The following PTPN22 variants were observed in gnomAD, a reference collection of about 807,000 sequenced individuals.
PTPN22 encodes the protein tyrosine-protein phosphatase non-receptor type 22.
Under a neutral mutation model 103.3 loss-of-function variants are expected in PTPN22, and 85 were observed. That is an observed-to-expected ratio of 0.82 (90% CI 0.69 to 0.99). The LOEUF is 0.99. Among genes scored for constraint, PTPN22 ranks in the 50% least tolerant of loss-of-function variants. The probability of loss-of-function intolerance (pLI) is 0.00; values close to 1 mark genes in which losing one functional copy is unlikely to be tolerated. For missense variants in PTPN22, 865 were observed against 936.9 expected (o/e 0.92, Z 1.00); for synonymous variants, 323 against 310.2 (o/e 1.04, Z -0.43).
chr1:113,859,184 GTGAATGAATGAA>G (rs534498840), intron 2 of PTPN22, 106 bp from the exon 3 acceptor site: 29 of 1,555,736 alleles, frequency 1.9e-5, no homozygotes, highest in Non-Finnish European at 2.5e-5. Flanking sequence ...GAACAAGTGA[GTGAATGAATGAA>G]TGAATGAATG....
exon 13 of PTPN22, chr1:113,837,683 A>T (rs1461770009): frequency 6.2e-7 from 1 of 1,602,106 alleles, no homozygotes; most frequent in Non-Finnish European, 8.6e-7. Flanking sequence ...GAGAAGAGGG[A>T]TGTAGAGGAT....
intron 20 of PTPN22, among the ~76,000 whole-genome samples, chr1:113,818,831 CCT>C (rs1661364266): frequency 6.6e-6 from 1 of 152,154 alleles, no homozygotes; most frequent in South Asian, 2.1e-4. Context: ...TCCACTTTTT[CCT>C]CTTTTCTTGC....
intron 18 of PTPN22, among the ~76,000 whole-genome samples, chr1:113,826,051 G>A (rs1007971237): frequency 1.3e-5 from 2 of 151,786 alleles, no homozygotes; most frequent in Non-Finnish European, 2.9e-5. Context: ...GAATATTGAC[G>A]GGGAGCAGTG....
chr1:113,870,125 T>C (rs568585161), intron 1 of PTPN22, among the ~76,000 whole-genome samples: 1 of 152,216 alleles, frequency 6.6e-6, no homozygotes, highest in Admixed American at 6.5e-5. Context: ...ACTTGGTACA[T>C]ACTAAGTGCT....
intron 11 of PTPN22, among the ~76,000 whole-genome samples, chr1:113,842,022 TAATGAGA>T (rs1302676425): frequency 6.6e-6 from 1 of 151,690 alleles, no homozygotes; most frequent in Non-Finnish European, 1.5e-5. Context: ...CTGGGCAACA[TAATGAGA>T]CCCTGTCTCT....
At chr1:113,869,595 A>T (rs1484525672) in intron 1 of PTPN22, among the ~76,000 whole-genome samples, 1 of 151,998 alleles carries the variant, frequency 6.6e-6, no homozygotes, top group East Asian at 1.9e-4. Context: ...GGGTTTCATT[A>T]TGTTGGCCAG....
At chr1:113,826,807 C>T (rs1195948805) in intron 18 of PTPN22, among the ~76,000 whole-genome samples, 1 of 149,046 alleles carries the variant, frequency 6.7e-6, no homozygotes, top group Non-Finnish European at 1.5e-5. Flanking sequence ...GTAGCTGGGA[C>T]TACAGGCGCC....
intron 9 of PTPN22, among the ~76,000 whole-genome samples, chr1:113,852,935 T>TTTTTG (rs1424139846): frequency 6.6e-6 from 1 of 152,262 alleles, no homozygotes; most frequent in East Asian, 1.9e-4. Flanking sequence ...TGATTTTTGC[T>TTTTTG]TTTTGTTTTG....
intron 13 of PTPN22, 119 bp downstream of exon 13, chr1:113,837,467 AAAAG>A: frequency 1.3e-6 from 1 of 751,858 alleles, no homozygotes; most frequent in South Asian, 2.2e-5. Flanking sequence ...AAAAAGAAAA[AAAAG>A]AGAAAAAAGA....
intron 16 of PTPN22, among the ~76,000 whole-genome samples, chr1:113,832,371 G>A (rs1168614292): frequency 6.6e-6 from 1 of 152,144 alleles, no homozygotes; most frequent in Non-Finnish European, 1.5e-5. Flanking sequence ...GTAGAGACAG[G>A]GTTTCACCAT....
At chr1:113,827,794 C>T (rs1662217408) in intron 18 of PTPN22, among the ~76,000 whole-genome samples, 1 of 152,012 alleles carries the variant, frequency 6.6e-6, no homozygotes, top group African/African-American at 2.4e-5. Flanking sequence ...CCATCCTAGA[C>T]AACATAGCAA....
chr1:113,820,210 T>G (rs1410954131), intron 19 of PTPN22, among the ~76,000 whole-genome samples: 3 of 152,128 alleles, frequency 2.0e-5, no homozygotes, highest in Admixed American at 6.5e-5. Context: ...TCCCAGTACT[T>G]TGGGAGGCTG....
chr1:113,828,520 C>T (rs1339049196), intron 18 of PTPN22, among the ~76,000 whole-genome samples: 3 of 152,104 alleles, frequency 2.0e-5, no homozygotes, highest in Admixed American at 6.5e-5. Context: ...TCTTTATCCC[C>T]TGATTTTGAG....
chr1:113,829,613 T>C (rs1662375762), exon 18 of PTPN22: 2 of 1,600,766 alleles, frequency 1.2e-6, no homozygotes, highest in Non-Finnish European at 1.7e-6. Context: ...TGAAACTTTT[T>C]CCAGGAGTCT....
At chr1:113,863,899 T>C (rs980481284) in intron 1 of PTPN22, among the ~76,000 whole-genome samples, 1 of 129,940 alleles carries the variant, frequency 7.7e-6, no homozygotes, top group African/African-American at 3.0e-5. Context: ...ATCCTTTATA[T>C]TTAATAAATA....
At chr1:113,838,552 T>C in exon 12 of PTPN22, 1 of 1,612,684 alleles carries the variant, frequency 6.2e-7, no homozygotes, top group Non-Finnish European at 8.5e-7. Context: ...ACCTTTTTGG[T>C]AAATTAGGAG....
chr1:113,864,402 AAAAG>A (rs143224500), intron 1 of PTPN22: 58,495 of 230,706 alleles, frequency 0.25, 10,185 homozygotes, highest in African/African-American at 0.56. Flanking sequence ...GAAAAAAAAA[AAAAG>A]AAAGAAAAGA....
At chr1:113,816,404 G>C (rs1661151157) in intron 20 of PTPN22, among the ~76,000 whole-genome samples, 1 of 148,672 alleles carries the variant, frequency 6.7e-6, no homozygotes, top group Non-Finnish European at 1.5e-5. Flanking sequence ...TGAGCCCAGG[G>C]AGGTCAAGGC....
At chr1:113,827,321 T>G (rs1225013634) in intron 18 of PTPN22, among the ~76,000 whole-genome samples, 1 of 152,204 alleles carries the variant, frequency 6.6e-6, no homozygotes, top group South Asian at 2.1e-4. Context: ...GTCTTCAATC[T>G]ACTACTCAGT....
Sources: allele counts gnomAD v4.1 joint callset (sites outside exome capture counted in the v4.1 genomes callset), GRCh38; gene constraint gnomAD v4.1.1; transcripts MANE v1.5; gene names NCBI Gene and HGNC (gene_info 2026-07-23, HGNC 2026-07-21).